The following HYDIN variants were observed in gnomAD, a reference collection of about 807,000 sequenced individuals.
HYDIN encodes the protein axonemal central pair apparatus protein HYDIN.
HYDIN carries 132 observed loss-of-function variants against 403.9 expected under a neutral mutation model. That is an observed-to-expected ratio of 0.33 (90% CI 0.28 to 0.38). The LOEUF (loss-of-function observed/expected upper bound fraction) is 0.38. Among genes scored for constraint, HYDIN ranks in the 10% least tolerant of loss-of-function variants. HYDIN has a pLI of 1.00. For missense variants in HYDIN, 2,827 were observed against 5,009.5 expected (o/e 0.56, Z 13.15); for synonymous variants, 1,202 against 1,891.7 (o/e 0.64, Z 9.46).
intron 65 of HYDIN, among the ~76,000 whole-genome samples, chr16:70,871,670 T>C (rs2040111509): frequency 6.7e-6 from 1 of 149,854 alleles, no homozygotes; most frequent in African/African-American, 2.5e-5. Flanking sequence ...ACCCCCATTC[T>C]AGCTTTTGGT....
At chr16:70,925,186 C>T (rs971525236) in intron 45 of HYDIN, among the ~76,000 whole-genome samples, 1 of 152,066 alleles carries the variant, frequency 6.6e-6, no homozygotes, top group African/African-American at 2.4e-5. Flanking sequence ...CAATATCTTG[C>T]CCTTGATAAA....
chr16:71,207,675 C>A (rs1400877011), intron 1 of HYDIN, among the ~76,000 whole-genome samples: 7 of 152,180 alleles, frequency 4.6e-5, no homozygotes, highest in Admixed American at 2.0e-4. Context: ...CTTCAAGAGA[C>A]CCATCTCACA....
intron 1 of HYDIN, among the ~76,000 whole-genome samples, chr16:71,215,021 A>C (rs2088807250): frequency 6.6e-6 from 1 of 152,228 alleles, no homozygotes; most frequent in Admixed American, 6.5e-5. Flanking sequence ...GGAAATAGAC[A>C]AGATGAGCCT....
intron 9 of HYDIN, among the ~76,000 whole-genome samples, chr16:71,120,690 T>C (rs1483777502): frequency 6.6e-6 from 1 of 151,980 alleles, no homozygotes; most frequent in Non-Finnish European, 1.5e-5. Context: ...CTACCTCCTT[T>C]CCTTCGTTTC....
rs1020183032 is a variant in HYDIN, at chr16:71,120,763, AC to A, written c.1228-4969del. On this transcript the variant is annotated intron_variant, in intron 9 of 85. Coordinates refer to ENST00000393567, the MANE Select transcript of HYDIN (RefSeq NM_001270974.2). The stretch of plus-strand genomic sequence containing the variant: ...ATCTTGCCCCCCTCCCAAAAAAAAA[AC>A]CAAAGTGCAAGAACAGAGACTTATA... Among the ~76,000 whole-genome samples the A allele has an allele frequency of 4.7e-4, 72 of 151,962 alleles. 1 individual carries two copies. The highest frequency in any genetic ancestry group is 1.6e-3 in the African/African-American group (66 of 41,356).
At chr16:70,865,044 G>C (rs1285462443) in intron 67 of HYDIN, 1 of 179,142 alleles carries the variant, frequency 5.6e-6, no homozygotes, top group Non-Finnish European at 1.2e-5. Flanking sequence ...AAGATGTTTA[G>C]AATTCAACAA....
chr16:71,011,159 G>A (rs1012006862), intron 23 of HYDIN, among the ~76,000 whole-genome samples: 4 of 152,128 alleles, frequency 2.6e-5, no homozygotes, highest in East Asian at 1.9e-4. Context: ...TTGGTACAAA[G>A]GAAGAGACCC....
intron 54 of HYDIN, 90 bp from the exon 55 acceptor site, chr16:70,894,638 C>T (rs1359554922): frequency 2.7e-6 from 2 of 747,072 alleles, no homozygotes; most frequent in South Asian, 2.0e-5. Flanking sequence ...ACATGGAAAA[C>T]GCATGGTGAC....
chr16:71,186,748 C>A lies in HYDIN; in HGVS notation c.135+13G>T. 6.2e-7 allele frequency: 1 copy of A among 1,606,014 alleles called. No homozygotes were observed. Among genetic ancestry groups the A allele is most frequent in the Non-Finnish European group, 8.5e-7 (1 of 1,174,852 alleles). ...CATTAAGTATTTTACATATTAATTC[C>A]CGGATACATTACCATTCGGTTTACT... On this transcript the variant is annotated intron_variant, in intron 2 of 85. Coordinates refer to ENST00000393567, the MANE Select transcript of HYDIN (RefSeq NM_001270974.2).
intron 30 of HYDIN, among the ~76,000 whole-genome samples, chr16:70,978,098 C>T (rs1459810024): frequency 6.6e-6 from 1 of 152,074 alleles, no homozygotes; most frequent in Non-Finnish European, 1.5e-5. Flanking sequence ...ATTCGGTAGC[C>T]ACGGGAAACA....
chr16:71,075,855 C>T lies in HYDIN; in HGVS notation c.1738+4030G>A, dbSNP rs1455259525. On this transcript the variant is annotated intron_variant, in intron 13 of 85. Transcript: ENST00000393567. ...AGCAAAGGGACTTCTGCCTGGCTTT[C>T]TTGTTGGGAGTCTCAGAGCAGACCA... The T allele has an allele frequency of 1.9e-5, 4 of 215,610 alleles. No individual in the cohort carries two copies. The East Asian group carries it at 3.7e-4, about 20-fold the overall frequency. The allele number at this position is 215,610 out of a possible 1,614,324, so 13.4% of individuals were successfully genotyped here.
intron 18 of HYDIN, among the ~76,000 whole-genome samples, chr16:71,047,479 C>T (rs2081490780): frequency 6.6e-6 from 1 of 152,088 alleles, no homozygotes; most frequent in South Asian, 2.1e-4. Flanking sequence ...CTCTGTTAAG[C>T]ACAAACCTTT....
chr16:70,999,147 C>G (rs1012642982), intron 23 of HYDIN, among the ~76,000 whole-genome samples: 16 of 151,920 alleles, frequency 1.1e-4, no homozygotes, highest in Admixed American at 7.2e-4. Flanking sequence ...GCAATTGGAG[C>G]CTCTAGAACA....
At chr16:71,194,954 A>G (rs2144689170) in intron 1 of HYDIN, among the ~76,000 whole-genome samples, 1 of 152,352 alleles carries the variant, frequency 6.6e-6, no homozygotes, top group Non-Finnish European at 1.5e-5. Flanking sequence ...TAAGCAAGCC[A>G]AGAGACGATG....
At chr16:71,029,622 CG>C (rs1448564658) in intron 19 of HYDIN, among the ~76,000 whole-genome samples, 2 of 125,424 alleles carry the variant, frequency 1.6e-5, no homozygotes, top group Non-Finnish European at 3.3e-5. Context: ...CCCTCGCTTA[CG>C]GCCAATAGAC....
rs2078045891 is a variant in HYDIN at position 70,950,906 on chromosome 16, C to T, written c.6531+1515G>A. On this transcript the variant is annotated intron_variant, in intron 41 of 85. Transcript: ENST00000393567. ...CTCAATGATGACATTCTTCTCTCTC[C>T]ACTCCTGAATGGGAGCCGCCAGGTC... Among the ~76,000 whole-genome samples the T allele has an allele frequency of 2.6e-5, 4 of 152,276 alleles. No individual in the cohort carries two copies. The South Asian group carries it at 8.3e-4, about 32-fold the overall frequency.
At chr16:71,098,449 G>A (rs1267992508) in intron 10 of HYDIN, among the ~76,000 whole-genome samples, 2 of 151,634 alleles carry the variant, frequency 1.3e-5, no homozygotes, top group African/African-American at 2.4e-5. Context: ...AGATCCGCCC[G>A]CCTCAGCCTC....
intron 18 of HYDIN, among the ~76,000 whole-genome samples, chr16:71,048,707 G>T (rs2081532417): frequency 6.6e-6 from 1 of 152,058 alleles, no homozygotes; most frequent in African/African-American, 2.4e-5. Flanking sequence ...AAAAGATTCT[G>T]GAACCTACTT....
In HYDIN at chr16:70,807,863, C is replaced by T. The variant is rs1275975750; in HGVS notation, c.15083G>A (p.Gly5028Asp). ...GTACCCGGCTCGGATCGAGAAGGGA[C>T]CTTGGGGCTTGGGAGGCAGAGCCAT... is the stretch of plus-strand genomic sequence containing the variant. ...FGMALPPKPQ[G>D]PFSIRAGYSI... Residue 5028 changes from glycine (G) to aspartate (D), a missense_variant, in exon 86 of 86, where the codon GGT (glycine) becomes GAT (aspartate). Gly to Asp is a moderately conservative substitution (Grantham distance 94). Coordinates refer to ENST00000393567, the MANE Select transcript of HYDIN (RefSeq NM_001270974.2). 1 of 1,614,066 alleles carries T rather than the reference C, an allele frequency of 6.2e-7. No homozygotes were observed. Among genetic ancestry groups the T allele is most frequent in the Non-Finnish European group, 8.5e-7 (1 of 1,179,996 alleles).
Sources: gnomAD v4.1 joint callset for allele counts (sites outside exome capture counted in the v4.1 genomes callset) on GRCh38, gnomAD v4.1.1 for gene constraint, MANE v1.5 for transcripts, NCBI Gene and HGNC (gene_info 2026-07-23, HGNC 2026-07-21) for gene names.